SEMA6D: variants seen among roughly 807,000 people sequenced by gnomAD.
The protein encoded by SEMA6D is semaphorin-6D.
Under a neutral mutation model 106.6 loss-of-function variants are expected in SEMA6D, and 35 were observed. The ratio of observed to expected loss-of-function variants is 0.33; its 90% CI spans 0.25 to 0.44. The LOEUF (loss-of-function observed/expected upper bound fraction) is 0.44. Among genes scored for constraint, SEMA6D ranks in the 20% least tolerant of loss-of-function variants. The probability of loss-of-function intolerance (pLI) is 1.00; values close to 1 mark genes in which losing one functional copy is unlikely to be tolerated. For missense variants in SEMA6D, 1,185 were observed against 1,345.9 expected (o/e 0.88, Z 1.87); for synonymous variants, 499 against 487.7 (o/e 1.02, Z -0.31).
intron 3 of SEMA6D, among the ~76,000 whole-genome samples, chr15:47,539,903 A>C (rs895749605): frequency 2.0e-5 from 3 of 152,136 alleles, no homozygotes; most frequent in Admixed American, 6.6e-5. Context: ...TCCTGTTGGT[A>C]TCTGTTTTCT....
intron 4 of SEMA6D, among the ~76,000 whole-genome samples, chr15:47,654,289 C>A (rs1278696662): frequency 6.6e-6 from 1 of 152,164 alleles, no homozygotes; most frequent in African/African-American, 2.4e-5. Flanking sequence ...GTCAAAAATC[C>A]ATGTATAACT....
intron 3 of SEMA6D, among the ~76,000 whole-genome samples, chr15:47,515,582 G>GA (rs1201294064): frequency 6.6e-6 from 1 of 152,162 alleles, no homozygotes; most frequent in Non-Finnish European, 1.5e-5. Flanking sequence ...GAAACAGTAG[G>GA]ATTTTTTTTC....
At chr15:47,296,129 C>T (rs1326496429) in intron 1 of SEMA6D, among the ~76,000 whole-genome samples, 2 of 152,174 alleles carry the variant, frequency 1.3e-5, no homozygotes, top group African/African-American at 4.8e-5. Context: ...TCAAATTGAG[C>T]TCCTTTCCTC....
At chr15:47,611,075 G>A (rs1447452251) in intron 4 of SEMA6D, among the ~76,000 whole-genome samples, 5 of 151,768 alleles carry the variant, frequency 3.3e-5, no homozygotes, top group African/African-American at 1.2e-4. Context: ...CCCAGCCTAA[G>A]GAGGCAACAG....
rs1029363943 is a variant in SEMA6D at position 47,319,193 on chromosome 15, A to G, written c.-238-93200A>G. 5.9e-5 allele frequency among the ~76,000 whole-genome samples: 9 copies of G among 152,134 alleles called. No homozygotes were observed. The South Asian group carries it at 1.9e-3, about 31-fold the overall frequency. The stretch of plus-strand genomic sequence containing the variant: ...GATTTCCATCTCTCTGCTTACATTG[A>G]TTGTAAGTTCTTGAATGTTGTCTAC... On this transcript the variant is annotated intron_variant, in intron 1 of 19. Coordinates refer to the SEMA6D transcript ENST00000558014.
intron 3 of SEMA6D, among the ~76,000 whole-genome samples, chr15:47,480,269 T>A (rs2043118623): frequency 1.3e-5 from 2 of 152,088 alleles, no homozygotes; most frequent in African/African-American, 4.8e-5. Flanking sequence ...TATCTCCAGA[T>A]TATTTTAGGG....
In SEMA6D at chr15:47,764,557, A is replaced by C; in HGVS notation, c.1098-81A>C. On this transcript the variant is annotated intron_variant, in intron 11 of 18. Coordinates refer to ENST00000536845, the MANE Select transcript of SEMA6D (RefSeq NM_001358351.3). Reference sequence around the variant, plus strand: ...TTCCTCACTTGACCTCTTCTCTGAGAATATACACTTATTCCTTAGATACAG... The same window carrying C: ...TTCCTCACTTGACCTCTTCTCTGAGCATATACACTTATTCCTTAGATACAG... 4 of 1,564,850 alleles carry C rather than the reference A, an allele frequency of 2.6e-6. No homozygotes were observed. The Admixed American group carries it at 7.0e-5, about 28-fold the overall frequency.
intron 4 of SEMA6D, among the ~76,000 whole-genome samples, chr15:47,703,467 T>C (rs1239657696): frequency 2.0e-5 from 3 of 152,156 alleles, no homozygotes; most frequent in South Asian, 4.1e-4. Flanking sequence ...TAATAACATA[T>C]TTTTGTGCAA....
chr15:47,503,282 C>T (rs1472321622), intron 3 of SEMA6D, among the ~76,000 whole-genome samples: 1 of 152,148 alleles, frequency 6.6e-6, no homozygotes, highest in Non-Finnish European at 1.5e-5. Context: ...ACACCTGAGT[C>T]ACCATTCATC....
chr15:47,189,462 C>T (rs1401950538), intron 1 of SEMA6D, among the ~76,000 whole-genome samples: 3 of 152,002 alleles, frequency 2.0e-5, no homozygotes, highest in Non-Finnish European at 4.4e-5. Flanking sequence ...TGTAGAAAAA[C>T]TCAGGGAGAA....
chr15:47,750,859 C>T (rs1335285608), intron 1 of SEMA6D, among the ~76,000 whole-genome samples: 16 of 152,182 alleles, frequency 1.1e-4, no homozygotes, highest in Admixed American at 1.0e-3. Flanking sequence ...CACCTGCACA[C>T]AGAAGCTGCA....
At position 47,773,310 on chromosome 15, in the gene SEMA6D, CAG is replaced by C. The variant is rs1432763299; in HGVS notation, c.*1526_*1527del. 1 of 152,606 alleles carries C rather than the reference CAG, an allele frequency of 6.6e-6. No individual in the cohort carries two copies. The highest frequency in any genetic ancestry group is 2.4e-5 in the African/African-American group (1 of 41,442). 9.5% of individuals were successfully genotyped at this position (152,606 alleles called of 1,614,324 possible). ...CACTCCTGCTTTCCTAAGGATGAAA[CAG>C]TGATAATGTGAACTCAAATGAGGTT... On this transcript the variant is annotated 3_prime_UTR_variant, in exon 19 of 19. Coordinates refer to ENST00000536845, the MANE Select transcript of SEMA6D (RefSeq NM_001358351.3).
chr15:47,187,089 A>C (rs2140901477), intron 1 of SEMA6D, among the ~76,000 whole-genome samples: 1 of 152,322 alleles, frequency 6.6e-6, no homozygotes, highest in African/African-American at 2.4e-5. Context: ...TTCCACATGA[A>C]GAATGAACCA....
chr15:47,440,336 A>T (rs1177733221), intron 2 of SEMA6D, among the ~76,000 whole-genome samples: 1 of 151,962 alleles, frequency 6.6e-6, no homozygotes, highest in Non-Finnish European at 1.5e-5. Context: ...GCATTGCAGC[A>T]AATCGGGGAT....
chr15:47,578,039 A>G (rs2076187299), intron 3 of SEMA6D, among the ~76,000 whole-genome samples: 1 of 152,132 alleles, frequency 6.6e-6, no homozygotes, highest in Admixed American at 6.5e-5. Flanking sequence ...GCATGACATT[A>G]TTTTTTCCTC....
chr15:47,429,205 T>C (rs554917039), intron 2 of SEMA6D, among the ~76,000 whole-genome samples: 57 of 152,220 alleles, frequency 3.7e-4, no homozygotes, highest in African/African-American at 1.3e-3. Flanking sequence ...ACCAGAGTTA[T>C]CATTAGAAGT....
chr15:47,244,633 T>G (rs2033102384), intron 1 of SEMA6D, among the ~76,000 whole-genome samples: 1 of 152,182 alleles, frequency 6.6e-6, no homozygotes, highest in South Asian at 2.1e-4. Context: ...GACCTGACTC[T>G]GTCATCCAAG....
intron 1 of SEMA6D, chr15:47,730,381 C>G: frequency 6.9e-7 from 1 of 1,450,014 alleles, no homozygotes; most frequent in Non-Finnish European, 9.6e-7. Context: ...CCAGTCTTGC[C>G]TTCCCCTTGA....
chr15:47,212,255 C>T (rs759455811), intron 1 of SEMA6D, among the ~76,000 whole-genome samples: 2 of 152,174 alleles, frequency 1.3e-5, no homozygotes, highest in African/African-American at 4.8e-5. Flanking sequence ...TGACTTATGA[C>T]AATGGCAGTG....
Sources: gnomAD v4.1 joint callset for allele counts (sites outside exome capture counted in the v4.1 genomes callset) on GRCh38, gnomAD v4.1.1 for gene constraint, MANE v1.5 for transcripts, NCBI Gene and HGNC (gene_info 2026-07-23, HGNC 2026-07-21) for gene names.